Variants in SPATA18 observed in about 807,000 individuals in gnomAD.
SPATA18 encodes mitochondria-eating protein.
A neutral mutation model predicts 68.1 loss-of-function variants in SPATA18; 54 were observed. The ratio of observed to expected loss-of-function variants is 0.79; its 90% CI spans 0.64 to 0.99. The LOEUF (loss-of-function observed/expected upper bound fraction) is 0.99, where lower values mean the gene tolerates loss of function less well. Ranked by LOEUF, SPATA18 falls within the 50% of genes least tolerant of loss-of-function variation. The probability of loss-of-function intolerance (pLI) is 0.00; values close to 1 mark genes in which losing one functional copy is unlikely to be tolerated. For synonymous variants in SPATA18, 242 were observed against 244.8 expected, an observed-to-expected ratio of 0.99 and a Z score of 0.11; for missense variants, 724 against 681.1, an observed-to-expected ratio of 1.06 and a Z score of -0.70.
At chr4:52,064,729 T>C (rs1416834864) in intron 4 of SPATA18, among the ~76,000 whole-genome samples, 1 of 152,238 alleles carries the variant, frequency 6.6e-6, no homozygotes, top group East Asian at 1.9e-4. Context: ...TTTGTACTGC[T>C]ATAAACATAC....
intron 6 of SPATA18, among the ~76,000 whole-genome samples, chr4:52,073,197 G>C (rs1213107485): frequency 6.6e-6 from 1 of 152,078 alleles, no homozygotes; most frequent in Non-Finnish European, 1.5e-5. Context: ...TGACATGGTG[G>C]TAGTATTTAC....
chr4:52,094,008 C>G (rs1454959517), intron 11 of SPATA18, among the ~76,000 whole-genome samples: 5 of 152,152 alleles, frequency 3.3e-5, no homozygotes, highest in African/African-American at 4.8e-5. Context: ...ATCTATTTAT[C>G]TAGAGTGTTT....
At chr4:52,062,725 A>C (rs1738982447) in intron 4 of SPATA18, among the ~76,000 whole-genome samples, 1 of 152,220 alleles carries the variant, frequency 6.6e-6, no homozygotes, top group African/African-American at 2.4e-5. Flanking sequence ...GTGAACAATC[A>C]GGCAAAGAGG....
At chr4:52,056,604 C>T (rs1211654936) in intron 1 of SPATA18, among the ~76,000 whole-genome samples, 4 of 152,200 alleles carry the variant, frequency 2.6e-5, no homozygotes, top group Admixed American at 2.6e-4. Flanking sequence ...ATACCTCTTA[C>T]TCATTTCTAA....
chr4:52,069,573 C>T (rs1388706445), intron 4 of SPATA18, among the ~76,000 whole-genome samples: 1 of 152,082 alleles, frequency 6.6e-6, no homozygotes, highest in Non-Finnish European at 1.5e-5. Context: ...TACTAATAGT[C>T]TTTTGGGGGT....
chr4:52,071,890 C>T (rs374081380), intron 5 of SPATA18, 27 bp from the exon 6 acceptor site: 37 of 1,609,022 alleles, frequency 2.3e-5, no homozygotes, highest in Non-Finnish European at 2.8e-5. Context: ...CTCTTCCCTT[C>T]CTCTGCCCTC....
In SPATA18 at chr4:52,084,918, G is replaced by T; in HGVS notation, c.1482G>T (p.Trp494Cys). 6.2e-7 allele frequency: 1 copy of T among 1,613,818 alleles called. No individual in the cohort carries two copies. Among genetic ancestry groups the T allele is most frequent in the Non-Finnish European group, 8.5e-7 (1 of 1,179,858 alleles). The change falls in exon 11 of 13, where the codon TGG (tryptophan) becomes TGT (cysteine). Residue 494 changes from tryptophan (W) to cysteine (C), a missense_variant and splice_region_variant. Coordinates refer to ENST00000295213, the MANE Select transcript of SPATA18 (RefSeq NM_145263.4). ...GEAVTRRGAF[W>C]NSVRSVSRCR... ...TCTCTTTCTCTCTCTTTTTTAAGTG[G>T]AATTCGGTGCGATCTGTAAGTCGTT...
intron 11 of SPATA18, among the ~76,000 whole-genome samples, chr4:52,094,101 T>C (rs1011949162): frequency 6.6e-5 from 10 of 152,154 alleles, no homozygotes; most frequent in Non-Finnish European, 1.0e-4. Flanking sequence ...GTGCAGTACC[T>C]TCTACTTAGT....
intron 11 of SPATA18, among the ~76,000 whole-genome samples, chr4:52,088,655 T>C (rs1392720547): frequency 6.6e-6 from 1 of 152,178 alleles, no homozygotes; most frequent in Non-Finnish European, 1.5e-5. Context: ...GTGGATAAGC[T>C]TTTTGATGTG....
chr4:52,058,038 G>C (rs1168313535), intron 1 of SPATA18, among the ~76,000 whole-genome samples: 1 of 152,216 alleles, frequency 6.6e-6, no homozygotes, highest in Non-Finnish European at 1.5e-5. Flanking sequence ...GAGGGCAAAA[G>C]GCTTGTAAGC....
At position 52,082,384 on chromosome 4, in the gene SPATA18, CAG is replaced by C. The variant is rs1741004153; in HGVS notation, c.1356-1_1356del. 1 of 1,613,180 alleles carries C rather than the reference CAG, an allele frequency of 6.2e-7. No homozygotes were observed. The highest frequency in any genetic ancestry group is 8.5e-7 in the Non-Finnish European group (1 of 1,179,542). On this transcript the variant is annotated splice_acceptor_variant, in intron 9 of 12. Coordinates refer to ENST00000295213, the MANE Select transcript of SPATA18 (RefSeq NM_145263.4). LOFTEE classifies it high-confidence loss of function. The stretch of plus-strand genomic sequence containing the variant: ...TCTTTCTTTTTTTGTATATTGAAAA[CAG>C]ATACCGCCGCAGCTACGACTCGGAT...
chr4:52,089,824 G>A (rs1741776135), intron 11 of SPATA18, among the ~76,000 whole-genome samples: 1 of 152,098 alleles, frequency 6.6e-6, no homozygotes, highest in East Asian at 1.9e-4. Flanking sequence ...CTGAGTTCAA[G>A]TCCTGAATAT....
intron 6 of SPATA18, among the ~76,000 whole-genome samples, chr4:52,072,606 A>G (rs143881482): frequency 3.9e-5 from 6 of 152,184 alleles, no homozygotes; most frequent in African/African-American, 1.2e-4. Flanking sequence ...CGGGTTCACC[A>G]TGTTGGCCAG....
chr4:52,063,566 A>T (rs1006786365), intron 4 of SPATA18, among the ~76,000 whole-genome samples: 3 of 152,210 alleles, frequency 2.0e-5, no homozygotes, highest in African/African-American at 7.2e-5. Flanking sequence ...TCAATAAGCC[A>T]CTTCAAGGTC....
Position 52,076,923 on chromosome 4 carries a change from C to G in SPATA18, c.903C>G (p.Ala301=). ...SKLSNVARKA[A]LLSRFSDSYS... is the part of the protein sequence containing the mutation. The stretch of plus-strand genomic sequence containing the variant: ...TGTCCAATGTGGCGCGCAAGGCTGC[C>G]CTCTTGTCCCGGTTCAGCGATTCCT... Residue 301 remains alanine, a synonymous_variant, in exon 7 of 13, where the codon GCC becomes GCG. Transcript: ENST00000295213. The G allele has an allele frequency of 6.2e-7, 1 of 1,614,198 alleles. No individual in the cohort carries two copies. The highest frequency in any genetic ancestry group is 8.5e-7 in the Non-Finnish European group (1 of 1,180,044).
intron 1 of SPATA18, among the ~76,000 whole-genome samples, chr4:52,054,075 A>G (rs769211797): frequency 1.3e-5 from 2 of 152,218 alleles, no homozygotes; most frequent in Admixed American, 6.5e-5. Context: ...AGAACTTTCT[A>G]TGATGATGGA....
At chr4:52,094,640 G>C (rs1742273982) in intron 12 of SPATA18, 68 bp downstream of exon 12, 1 of 1,485,734 alleles carries the variant, frequency 6.7e-7, no homozygotes, top group Admixed American at 1.7e-5. Context: ...ACTTAGCACT[G>C]AGCAGCAAAA....
At chr4:52,085,816 G>T (rs1202561720) in intron 11 of SPATA18, among the ~76,000 whole-genome samples, 1 of 152,142 alleles carries the variant, frequency 6.6e-6, no homozygotes, top group Non-Finnish European at 1.5e-5. Flanking sequence ...GGCTGAGCTG[G>T]GAGGATCATC....
intron 10 of SPATA18, 117 bp downstream of exon 10, chr4:52,082,627 T>C (rs748581275): frequency 3.0e-5 from 48 of 1,593,996 alleles, no homozygotes; most frequent in Non-Finnish European, 4.0e-5. Flanking sequence ...TAAGATTTCA[T>C]ACAAAGGAGA....
Sources: gnomAD v4.1 joint callset for allele counts (sites outside exome capture counted in the v4.1 genomes callset) on GRCh38, gnomAD v4.1.1 for gene constraint, MANE v1.5 for transcripts, NCBI Gene and HGNC (gene_info 2026-07-23, HGNC 2026-07-21) for gene names.